CCDC158: variants seen among roughly 807,000 people sequenced by gnomAD.
CCDC158 encodes the protein coiled-coil domain-containing protein 158.
Under a neutral mutation model 138.6 loss-of-function variants are expected in CCDC158, and 116 were observed. The observed-to-expected ratio is 0.84, with a 90% CI of 0.72 to 0.98. The LOEUF (loss-of-function observed/expected upper bound fraction) is 0.98, where lower values mean the gene tolerates loss of function less well. CCDC158 is among the 50% of genes least tolerant of loss of function. The probability of loss-of-function intolerance (pLI) is 0.00; values close to 1 mark genes in which losing one functional copy is unlikely to be tolerated. For synonymous variants in CCDC158, 436 were observed against 442.4 expected (o/e 0.99, Z 0.18); for missense variants, 1,265 against 1,306.1 (o/e 0.97, Z 0.48).
At chr4:76,393,547 G>T (rs1050991676) in intron 4 of CCDC158, among the ~76,000 whole-genome samples, 1 of 151,894 alleles carries the variant, frequency 6.6e-6, no homozygotes, top group Non-Finnish European at 1.5e-5. Flanking sequence ...AAACATTGGG[G>T]TCAACTTCTC....
rs572127626 is a variant in CCDC158, at chr4:76,398,653, C to T, written c.71-2167G>A. On this transcript the variant is annotated intron_variant, in intron 3 of 24. Transcript: ENST00000682701. ...ATGCACTCCAGCCTGGGCAACAAAG[C>T]GAGACTCTGTCTCAAAAAAAAAAAA... Among the ~76,000 whole-genome samples the T allele has an allele frequency of 2.5e-3, 296 of 116,216 alleles. 1 individual carries two copies. The highest frequency in any genetic ancestry group is 4.0e-3 in the Non-Finnish European group (238 of 58,850). The allele number at this position is 116,216 out of a possible 152,430, so 76.2% of individuals were successfully genotyped here.
intron 1 of CCDC158, among the ~76,000 whole-genome samples, chr4:76,413,844 T>C (rs1228307873): frequency 6.6e-6 from 1 of 152,256 alleles, no homozygotes; most frequent in African/African-American, 2.4e-5. Flanking sequence ...CAAAGCCAGA[T>C]AGGAACAATT....
At position 76,384,245 on chromosome 4, in the gene CCDC158, C is replaced by A. The variant is rs751110311; in HGVS notation, c.569G>T (p.Arg190Leu). Residue 190 changes from arginine to leucine, a missense_variant, in exon 6 of 25, where the codon CGG (arginine) becomes CTG (leucine). Transcript: ENST00000682701. ...TTCTTCAAAGTCAACTAGGATTGAC[C>A]GGATTTCTTGAAGCACTCCCTCATG... is the stretch of plus-strand genomic sequence containing the variant. The part of the protein sequence containing the change: ...LSHEGVLQEI[R>L]SILVDFEEAS... The A allele has an allele frequency of 6.2e-7, 1 of 1,613,920 alleles. No individual in the cohort carries two copies. Among genetic ancestry groups the A allele is most frequent in the African/African-American group, 1.3e-5 (1 of 74,884 alleles).
intron 24 of CCDC158, 108 bp downstream of exon 24, chr4:76,323,191 AGTT>A: frequency 4.3e-6 from 3 of 702,434 alleles, no homozygotes; most frequent in Non-Finnish European, 7.2e-6. Context: ...TTCAGTTTAC[AGTT>A]GTTAATTCAA....
At chr4:76,369,001 G>A in intron 11 of CCDC158, among the ~76,000 whole-genome samples, 1 of 151,978 alleles carries the variant, frequency 6.6e-6, no homozygotes, top group East Asian at 1.9e-4. Flanking sequence ...AGATCATGAG[G>A]TCATGAGATC....
At chr4:76,361,486 C>T (rs7663774) in intron 13 of CCDC158, among the ~76,000 whole-genome samples, 4,552 of 152,212 alleles carry the variant, frequency 0.03, 215 homozygotes, top group African/African-American at 0.1. Context: ...GGCATGAACC[C>T]GGGAGGCGGA....
chr4:76,319,197 G>T (rs1342773205), intron 24 of CCDC158, among the ~76,000 whole-genome samples: 2 of 151,554 alleles, frequency 1.3e-5, no homozygotes, highest in Admixed American at 1.3e-4. Context: ...GTGTGAACCC[G>T]GGAGGCAGAG....
chr4:76,357,189 C>T (rs1173818925), intron 14 of CCDC158, among the ~76,000 whole-genome samples, 185 bp downstream of exon 14: 2 of 152,166 alleles, frequency 1.3e-5, no homozygotes. Flanking sequence ...AACTCCATGG[C>T]AATTTCCTAA....
chr4:76,396,413 C>T lies in CCDC158; in HGVS notation c.144G>A (p.Leu48=). The change falls in exon 4 of 25, where the codon TTG becomes TTA. Residue 48 remains leucine, a synonymous_variant. Transcript: ENST00000682701. The part of the protein sequence containing the change: ...IIENTSSAGT[L]TQVPFFPKYE... ...ATTTAGGGAAAAAAGGAACCTGTGTCAAAGTCCCAGCTGAAGATGTGTTTT... is the reference window on the plus strand; with the variant it reads ...ATTTAGGGAAAAAAGGAACCTGTGTTAAAGTCCCAGCTGAAGATGTGTTTT... The T allele has an allele frequency of 1.2e-6, 2 of 1,614,028 alleles. No individual in the cohort carries two copies. The highest frequency in any genetic ancestry group is 1.7e-6 in the Non-Finnish European group (2 of 1,179,962).
chr4:76,321,780 AAT>A (rs938293191), intron 24 of CCDC158, among the ~76,000 whole-genome samples: 3 of 146,068 alleles, frequency 2.1e-5, no homozygotes, highest in Non-Finnish European at 4.5e-5. Context: ...ATATATAATA[AAT>A]ATATATATGT....
intron 3 of CCDC158, among the ~76,000 whole-genome samples, chr4:76,398,858 T>C (rs754300615): frequency 2.6e-5 from 4 of 151,528 alleles, no homozygotes; most frequent in Non-Finnish European, 5.9e-5. Context: ...AGAGAGCGAA[T>C]GGTTATAAAT....
intron 13 of CCDC158, among the ~76,000 whole-genome samples, chr4:76,361,650 C>A (rs1465509271): frequency 6.6e-6 from 1 of 152,192 alleles, no homozygotes. Flanking sequence ...CAACCATAAA[C>A]TGGAGTGTTT....
intron 4 of CCDC158, among the ~76,000 whole-genome samples, chr4:76,389,673 AC>A (rs1406768168): frequency 6.6e-6 from 1 of 152,194 alleles, no homozygotes; most frequent in Non-Finnish European, 1.5e-5. Context: ...TAATAATCAA[AC>A]TCCCAAAGGC....
At chr4:76,378,646 T>TTGTTTGTTTTTTAGGGTCTTAC (rs1725941125) in intron 9 of CCDC158, among the ~76,000 whole-genome samples, 1 of 151,708 alleles carries the variant, frequency 6.6e-6, no homozygotes, top group Non-Finnish European at 1.5e-5. Context: ...TGGCAGCTCC[T>TTGTTTGTTTTTTAGGGTCTTAC]TGTTTGTTTT....
At chr4:76,315,761 G>T (rs545227631) in intron 24 of CCDC158, among the ~76,000 whole-genome samples, 2 of 152,158 alleles carry the variant, frequency 1.3e-5, no homozygotes, top group Non-Finnish European at 2.9e-5. Context: ...GGTATCCACG[G>T]CTGGGAGACG....
chr4:76,345,605 G>A lies in CCDC158; in HGVS notation c.2664+5391C>T, dbSNP rs190299373. On this transcript the variant is annotated intron_variant, in intron 18 of 24. Coordinates refer to ENST00000682701, the MANE Select transcript of CCDC158 (RefSeq NM_001394954.1). The stretch of plus-strand genomic sequence containing the variant: ...AGAATAACTGATATGCCTTCACTCA[G>A]AAGAAAATAAATGAATGTGAAAGAA... 140 of 1,016,586 alleles carry A rather than the reference G, an allele frequency of 1.4e-4. No homozygotes were observed. The African/African-American group carries it at 1.9e-3, about 14-fold the overall frequency. The allele number at this position is 1,016,586 out of a possible 1,614,324, so 63.0% of individuals were successfully genotyped here.
chr4:76,351,767 C>G lies in CCDC158; in HGVS notation c.2491G>C (p.Glu831Gln). 6.2e-7 allele frequency: 1 copy of G among 1,613,380 alleles called. No homozygotes were observed. The highest frequency in any genetic ancestry group is 1.1e-5 in the South Asian group (1 of 90,998). ...AECQDIIQRQEQESVRLKLQH... is the reference protein window; with the variant it reads ...AECQDIIQRQQQESVRLKLQH... ...AGTTTTAAGCGCACTGATTCTTGCT[C>G]CTGACGCTGTATTATATCTTGACAT... Residue 831 changes from glutamate (E) to glutamine (Q), a missense_variant, in exon 17 of 25, where the codon GAG becomes CAG. Glu to Gln is a conservative substitution (Grantham distance 29). Transcript: ENST00000682701.
At chr4:76,349,697 T>A (rs1448150129) in intron 18 of CCDC158, among the ~76,000 whole-genome samples, 1 of 152,074 alleles carries the variant, frequency 6.6e-6, no homozygotes, top group Non-Finnish European at 1.5e-5. Context: ...AACAAATAAA[T>A]ACTTAAGTTA....
chr4:76,396,395 GA>G lies in CCDC158; in HGVS notation c.161del (p.Phe54SerfsTer41). 1.2e-6 allele frequency: 2 copies of G among 1,613,458 alleles called. No homozygotes were observed. The highest frequency in any genetic ancestry group is 1.7e-6 in the Non-Finnish European group (2 of 1,179,688). ...AATCAAGTTCCACTTCATATTTAGG[GA>G]AAAAAGGAACCTGTGTCAAAGTCCC... ...SAGTLTQVPF[F>X]PKYEVELDSP... On this transcript the variant is annotated frameshift_variant, in exon 4 of 25. Transcript: ENST00000682701. LOFTEE classifies it high-confidence loss of function.
Sources: allele counts gnomAD v4.1 joint callset (sites outside exome capture counted in the v4.1 genomes callset), GRCh38; gene constraint gnomAD v4.1.1; transcripts MANE v1.5; gene names NCBI Gene and HGNC (gene_info 2026-07-23, HGNC 2026-07-21).